TOR1B: variants seen among roughly 807,000 people sequenced by gnomAD.
TOR1B encodes the protein torsin family 1 member B.
A neutral mutation model predicts 29.2 loss-of-function variants in TOR1B; 14 were observed. The observed-to-expected ratio is 0.48, with a 90% CI of 0.32 to 0.75. The LOEUF (loss-of-function observed/expected upper bound fraction) is 0.75. Ranked by LOEUF, TOR1B falls within the 30% of genes least tolerant of loss-of-function variation. The pLI, the probability that TOR1B is intolerant of heterozygous loss-of-function variation, is 0.04. For synonymous variants in TOR1B, 166 were observed against 179.8 expected (o/e 0.92, Z 0.62); for missense variants, 400 against 433.9 (o/e 0.92, Z 0.69).
chr9:129,803,247 C>CGCTGGCGCT lies in TOR1B; in HGVS notation c.40_48dup (p.Ala14_Leu16dup). 1 of 1,547,788 alleles carries CGCTGGCGCT rather than the reference C, an allele frequency of 6.5e-7. No individual in the cohort carries two copies. The highest frequency in any genetic ancestry group is 8.7e-7 in the Non-Finnish European group (1 of 1,153,718). ...GCTGGGTGGCTCCGGGGCGCGGCGG[C>CGCTGGCGCT]GCTGGCGCTGCTGCTGGCGGCCCGA... On this transcript the variant is annotated inframe_insertion, in exon 1 of 5. Coordinates refer to ENST00000259339, the MANE Select transcript of TOR1B (RefSeq NM_014506.3).
At position 129,809,479 on chromosome 9, in the gene TOR1B, A is replaced by G. The variant is rs199793183; in HGVS notation, c.907A>G (p.Ile303Val). 2 of 1,614,198 alleles carry G rather than the reference A, an allele frequency of 1.2e-6. No homozygotes were observed. Among genetic ancestry groups the G allele is most frequent in the East Asian group, 2.2e-5 (1 of 44,886 alleles). The change falls in exon 5 of 5, where the codon ATT becomes GTT. Residue 303 changes from isoleucine (I) to valine (V), a missense_variant. Physicochemically the swap from Ile to Val is conservative, Grantham distance 29. Coordinates refer to ENST00000259339, the MANE Select transcript of TOR1B (RefSeq NM_014506.3). The stretch of plus-strand genomic sequence containing the variant: ...CCGTGGTTCTGCCATAGATGAAGAC[A>G]TTGTCACAAGAGTGGCAGAGGAAAT... ...RARGSAIDEDIVTRVAEEMTF... is the reference protein window; with the variant it reads ...RARGSAIDEDVVTRVAEEMTF...
At chr9:129,807,398 C>A (rs1468180997) in intron 3 of TOR1B, 35 bp downstream of exon 3, 1 of 1,606,640 alleles carries the variant, frequency 6.2e-7, no homozygotes, top group Non-Finnish European at 8.5e-7. Flanking sequence ...GCACACAAGC[C>A]CTTCATTCTC....
intron 1 of TOR1B, 112 bp downstream of exon 1, chr9:129,803,523 A>C: frequency 2.0e-4 from 186 of 916,602 alleles, no homozygotes; most frequent in East Asian, 6.1e-4. Flanking sequence ...TGGCATCTAG[A>C]CGGCGGTGGT....
In TOR1B at chr9:129,803,451, G is replaced by T. The variant is rs766020134; in HGVS notation, c.199+40G>T. On this transcript the variant is annotated intron_variant, in intron 1 of 4. Coordinates refer to ENST00000259339, the MANE Select transcript of TOR1B (RefSeq NM_014506.3). ...CGAGCTGTGGGTCGGCGCTGCGGGG[G>T]GCGCGGGGGCGCGGGGGCGCGGAGG... 473 of 1,172,204 alleles carry T rather than the reference G, an allele frequency of 4.0e-4. 1 individual carries two copies. Among genetic ancestry groups the T allele is most frequent in the Non-Finnish European group, 4.8e-4 (459 of 956,864 alleles). 72.6% of individuals were successfully genotyped at this position (1,172,204 alleles called of 1,614,324 possible).
chr9:129,803,233 C>T lies in TOR1B; in HGVS notation c.21C>T (p.Leu7=), dbSNP rs939826062. ...GCGGGATGTTGCGGGCTGGGTGGCTCCGGGGCGCGGCGGCGCTGGCGCTGC... is the reference window on the plus strand; with the variant it reads ...GCGGGATGTTGCGGGCTGGGTGGCTTCGGGGCGCGGCGGCGCTGGCGCTGC... The part of the protein sequence containing the change: MLRAGW[L]RGAAALALLL... Residue 7 remains leucine, a synonymous_variant, in exon 1 of 5, where the codon CTC becomes CTT. Transcript: ENST00000259339. 3.3e-6 allele frequency: 5 copies of T among 1,533,042 alleles called. No individual in the cohort carries two copies. The highest frequency in any genetic ancestry group is 2.0e-4 in the Middle Eastern group (1 of 4,896). 95.0% of individuals were successfully genotyped at this position (1,533,042 alleles called of 1,614,324 possible).
At chr9:129,803,657 C>T (rs1481000058) in intron 1 of TOR1B, among the ~76,000 whole-genome samples, 3 of 152,224 alleles carry the variant, frequency 2.0e-5, no homozygotes, top group Non-Finnish European at 2.9e-5. Flanking sequence ...CTAAAGCTCC[C>T]GTTCCTTGGG....
At chr9:129,804,857 G>A (rs1414411150) in intron 2 of TOR1B, among the ~76,000 whole-genome samples, 3 of 120,696 alleles carry the variant, frequency 2.5e-5, no homozygotes, top group South Asian at 2.6e-4. Context: ...AAAAAAAAAA[G>A]GCCTGGCACA....
chr9:129,804,449 G>C (rs1264280420), intron 2 of TOR1B, 111 bp downstream of exon 2: 2 of 1,388,290 alleles, frequency 1.4e-6, no homozygotes, highest in Non-Finnish European at 2.0e-6. Flanking sequence ...GTAGCCCCCG[G>C]CTCCACTGAG....
In TOR1B at chr9:129,809,748, G is replaced by A. The variant is rs2030736255; in HGVS notation, c.*165G>A. ...GAAGAGGTCTCACTCCGTCATCCAA[G>A]CTGGAGTGCAGTGGTGCAATCCTCA... On this transcript the variant is annotated 3_prime_UTR_variant, in exon 5 of 5. Transcript: ENST00000259339. The A allele has an allele frequency of 7.0e-7, 1 of 1,431,350 alleles. No homozygotes were observed. 88.7% of individuals were successfully genotyped at this position (1,431,350 alleles called of 1,614,324 possible). A position where few individuals can be genotyped will look rare whatever the true frequency, so the allele number is the denominator to read the frequency against.
intron 3 of TOR1B, among the ~76,000 whole-genome samples, chr9:129,807,578 C>T (rs547885766): frequency 8.6e-4 from 131 of 152,208 alleles, no homozygotes; most frequent in African/African-American, 3.1e-3. Flanking sequence ...CTGGGCCAGG[C>T]GCGGTGGCTC....
Position 129,803,401 on chromosome 9 carries a change from C to T in TOR1B, c.189C>T (p.Leu63=), listed in dbSNP as rs754928353. 2 of 1,538,766 alleles carry T rather than the reference C, an allele frequency of 1.3e-6. No homozygotes were observed. The highest frequency in any genetic ancestry group is 1.7e-4 in the Middle Eastern group (1 of 5,840). The change falls in exon 1 of 5, where the codon CTC becomes CTT. Residue 63 remains leucine (L), a synonymous_variant. Transcript: ENST00000259339. ...FAECCREERP[L]NASALKLDLE... is the part of the protein sequence containing the mutation. ...AGTGCTGCCGCGAGGAGCGGCCGCT[C>T]AACGCTTCGGGTACGGCGCGCGCGC...
At chr9:129,805,176 G>C (rs1449790817) in intron 2 of TOR1B, among the ~76,000 whole-genome samples, 3 of 151,006 alleles carry the variant, frequency 2.0e-5, no homozygotes, top group Admixed American at 6.6e-5. Context: ...GTCAGGGCCA[G>C]GTGCAGTGGC....
chr9:129,810,091 C>T lies in TOR1B; in HGVS notation c.*508C>T. On this transcript the variant is annotated 3_prime_UTR_variant, in exon 5 of 5. Coordinates refer to ENST00000259339, the MANE Select transcript of TOR1B (RefSeq NM_014506.3). ...ACCCACAGCACCCGCGCCTCAGAAGCTACGGTCACAACTAAAGGAGTCCAG... is the reference window on the plus strand; with the variant it reads ...ACCCACAGCACCCGCGCCTCAGAAGTTACGGTCACAACTAAAGGAGTCCAG... 7.9e-7 allele frequency: 1 copy of T among 1,270,786 alleles called. No individual in the cohort carries two copies. The allele number at this position is 1,270,786 out of a possible 1,614,324, so 78.7% of individuals were successfully genotyped here.
Position 129,804,378 on chromosome 9 carries a change from G to A in TOR1B, c.465+40G>A, listed in dbSNP as rs1244583967. 3.1e-6 allele frequency: 5 copies of A among 1,599,680 alleles called. No homozygotes were observed. In the African/African-American group the frequency reaches 6.7e-5, roughly 21 times the overall value. On this transcript the variant is annotated intron_variant, in intron 2 of 4. Coordinates refer to ENST00000259339, the MANE Select transcript of TOR1B (RefSeq NM_014506.3). Reference sequence around the variant, plus strand: ...TATTATCTCGTCTGCAGGCCAGTCGGACTGGTCCGGGTGACCTGCTCACTA... The same window carrying A: ...TATTATCTCGTCTGCAGGCCAGTCGAACTGGTCCGGGTGACCTGCTCACTA...
In TOR1B at chr9:129,809,599, G is replaced by A. The variant is rs769138304; in HGVS notation, c.*16G>A. On this transcript the variant is annotated 3_prime_UTR_variant, in exon 5 of 5. Coordinates refer to ENST00000259339, the MANE Select transcript of TOR1B (RefSeq NM_014506.3). The stretch of plus-strand genomic sequence containing the variant: ...TTTCCACTGAGCTCCTATCCAGATG[G>A]GGTAGGAGACAGCTGGGAGGCTCCG... 1 of 1,613,762 alleles carries A rather than the reference G, an allele frequency of 6.2e-7. No individual in the cohort carries two copies. The highest frequency in any genetic ancestry group is 8.5e-7 in the Non-Finnish European group (1 of 1,179,674).
chr9:129,808,601 G>A (rs1194627867), intron 3 of TOR1B, among the ~76,000 whole-genome samples: 2 of 141,872 alleles, frequency 1.4e-5, no homozygotes, highest in East Asian at 4.3e-4. Flanking sequence ...CCAGGCTGGA[G>A]TGCAATGGCA....
At chr9:129,804,645 G>T (rs372896777) in intron 2 of TOR1B, among the ~76,000 whole-genome samples, 16 of 151,898 alleles carry the variant, frequency 1.1e-4, no homozygotes, top group African/African-American at 3.6e-4. Context: ...CGGATCATTT[G>T]AGGCCAGGAG....
intron 2 of TOR1B, among the ~76,000 whole-genome samples, chr9:129,804,635 C>T (rs1367514568): frequency 6.6e-6 from 1 of 150,576 alleles, no homozygotes; most frequent in Non-Finnish European, 1.5e-5. Flanking sequence ...CCGAGGCGGG[C>T]GGATCATTTG....
rs746360859 is a variant in TOR1B, at chr9:129,809,505, G to A, written c.933G>A (p.Met311Ile). Residue 311 changes from methionine to isoleucine, a missense_variant, in exon 5 of 5, where the codon ATG becomes ATA. Met to Ile is a conservative substitution (Grantham distance 10). Coordinates refer to ENST00000259339, the MANE Select transcript of TOR1B (RefSeq NM_014506.3). ...EDIVTRVAEE[M>I]TFFPRDEKIY... ...TTGTCACAAGAGTGGCAGAGGAAAT[G>A]ACGTTTTTCCCCAGAGACGAGAAAA... The A allele has an allele frequency of 2.5e-6, 4 of 1,614,092 alleles. No homozygotes were observed. Among genetic ancestry groups the A allele is most frequent in the Non-Finnish European group, 3.4e-6 (4 of 1,180,038 alleles).
Sources: allele counts gnomAD v4.1 joint callset (sites outside exome capture counted in the v4.1 genomes callset), GRCh38; gene constraint gnomAD v4.1.1; transcripts MANE v1.5; gene names NCBI Gene and HGNC (gene_info 2026-07-23, HGNC 2026-07-21).